NPIPB2: variants seen among roughly 807,000 people sequenced by gnomAD.
NPIPB2 encodes nuclear pore complex-interacting protein family member B2.
NPIPB2 carries 27 observed loss-of-function variants against 30.8 expected under a neutral mutation model. The ratio of observed to expected loss-of-function variants is 0.88; its 90% CI spans 0.65 to 1.21. The LOEUF (loss-of-function observed/expected upper bound fraction) is 1.21. Ranked by LOEUF, NPIPB2 falls within the 50% of genes most tolerant of loss-of-function variation. The pLI is 0.00. For missense variants in NPIPB2, 440 were observed against 446.2 expected, an observed-to-expected ratio of 0.99 and a Z score of 0.13; for synonymous variants, 147 against 162.0, an observed-to-expected ratio of 0.91 and a Z score of 0.70.
In NPIPB2 at chr16:11,972,403, G is replaced by A. The variant is rs372338882; in HGVS notation, c.-584+4165C>T. ...AGCCTGAACAACATGGGGAAACCCC[G>A]TCTCTACAGAAAATACAATAATTAG... On this transcript the variant is annotated intron_variant, in intron 1 of 5. Transcript: ENST00000538896. 2.6e-5 allele frequency among the ~76,000 whole-genome samples: 4 copies of A among 152,068 alleles called. No homozygotes were observed. In the South Asian group the frequency reaches 8.3e-4, roughly 32 times the overall value.
chr16:11,966,285 T>C, intron 1 of NPIPB2: 2 of 1,613,806 alleles, frequency 1.2e-6, no homozygotes, highest in Non-Finnish European at 1.7e-6. Flanking sequence ...TTCGTGCTAA[T>C]GTTTTTGCTA....
intron 1 of NPIPB2, among the ~76,000 whole-genome samples, chr16:11,960,903 G>T (rs1178778129): frequency 1.4e-5 from 2 of 147,160 alleles, no homozygotes; most frequent in Non-Finnish European, 3.0e-5. Flanking sequence ...GTCTCACTCC[G>T]TAGCCCAGAC....
chr16:11,972,878 T>C (rs1431883869), intron 1 of NPIPB2, among the ~76,000 whole-genome samples: 1 of 128,434 alleles, frequency 7.8e-6, no homozygotes, highest in Non-Finnish European at 1.7e-5. Flanking sequence ...AAAAAAAAAA[T>C]AGCTGGGCGT....
chr16:11,934,145 G>A (rs1487861260), intron 2 of NPIPB2, among the ~76,000 whole-genome samples: 5 of 151,398 alleles, frequency 3.3e-5, no homozygotes, highest in East Asian at 1.9e-4. Context: ...GCAGAGAACC[G>A]TTTGAAGCTG....
At chr16:11,927,311 T>G, downstream of NPIPB2, 2 of 766,708 alleles carry the variant, frequency 2.6e-6, no homozygotes, top group Non-Finnish European at 4.4e-6. Context: ...GTTTTTGGAG[T>G]GTGGGTTTTG....
At chr16:11,975,359 G>A (rs1424351400) in intron 1 of NPIPB2, among the ~76,000 whole-genome samples, 1 of 148,860 alleles carries the variant, frequency 6.7e-6, no homozygotes, top group Non-Finnish European at 1.5e-5. Flanking sequence ...GTTTTAGCCG[G>A]GATGGTCTCG....
chr16:11,951,155 G>A (rs1177936417), intron 1 of NPIPB2, among the ~76,000 whole-genome samples: 4 of 151,738 alleles, frequency 2.6e-5, no homozygotes, highest in African/African-American at 7.3e-5. Flanking sequence ...ATTCAGTTTC[G>A]AGAAAAATTA....
chr16:11,959,587 C>CA lies in NPIPB2; in HGVS notation c.-584+16980dup, dbSNP rs772286868. ...CGGGTGACAGAGGGAGACCCCGTCTCAAAAAAAAAAATCATATTATTAAAA... is the reference window on the plus strand; with the variant it reads ...CGGGTGACAGAGGGAGACCCCGTCTCAAAAAAAAAAAATCATATTATTAAAA... On this transcript the variant is annotated intron_variant, in intron 1 of 5. Transcript: ENST00000538896. 4.8e-3 allele frequency among the ~76,000 whole-genome samples: 687 copies of CA among 144,084 alleles called. 3 individuals are homozygous for CA. Among genetic ancestry groups the CA allele is most frequent in the Non-Finnish European group, 8.2e-3 (542 of 65,754 alleles). 94.5% of individuals were successfully genotyped at this position (144,084 alleles called of 152,430 possible).
At chr16:11,958,545 C>T (rs901900435) in intron 1 of NPIPB2, among the ~76,000 whole-genome samples, 2 of 151,866 alleles carry the variant, frequency 1.3e-5, no homozygotes, top group Non-Finnish European at 2.9e-5. Flanking sequence ...GCCTGGGCAA[C>T]ACAGCAAGAC....
chr16:11,960,701 C>T (rs925139784), intron 1 of NPIPB2, among the ~76,000 whole-genome samples: 9 of 151,758 alleles, frequency 5.9e-5, no homozygotes, highest in Non-Finnish European at 1.2e-4. Context: ...CTCACCACTC[C>T]TTAAATATCT....
intron 1 of NPIPB2, chr16:11,967,015 TTTAG>T: frequency 5.4e-6 from 1 of 184,756 alleles, no homozygotes; most frequent in South Asian, 9.4e-5. Context: ...TATTTATTTA[TTTAG>T]AGATGGAGTC....
chr16:11,950,205 A>T (rs1480438706), intron 1 of NPIPB2, among the ~76,000 whole-genome samples: 4 of 151,532 alleles, frequency 2.6e-5, no homozygotes, highest in African/African-American at 9.7e-5. Flanking sequence ...GCTAATTTTT[A>T]TATTTTTAGT....
At chr16:11,940,917 CCCA>C (rs1347435032) in intron 1 of NPIPB2, among the ~76,000 whole-genome samples, 2 of 149,752 alleles carry the variant, frequency 1.3e-5, no homozygotes, top group Non-Finnish European at 3.0e-5. Flanking sequence ...AAGCGATCCT[CCCA>C]CCTCAGCCTC....
Position 11,962,915 on chromosome 16 carries a change from A to G in NPIPB2, c.-584+13653T>C, listed in dbSNP as rs188863008. 2.0e-3 allele frequency among the ~76,000 whole-genome samples: 297 copies of G among 152,046 alleles called. 2 individuals are homozygous for G. The highest frequency in any genetic ancestry group is 6.9e-3 in the African/African-American group (285 of 41,450). ...AATCCTGTCTGTACTAAAAATACAA[A>G]TATTTGCTGGGCATGATGGCGCATG... On this transcript the variant is annotated intron_variant, in intron 1 of 5. Transcript: ENST00000538896.
upstream of NPIPB2, among the ~76,000 whole-genome samples, chr16:11,947,040 T>TTATATATATATATATATATATATATGG (rs57486204): frequency 1.4e-5 from 2 of 139,826 alleles, no homozygotes; most frequent in East Asian, 2.1e-4. Flanking sequence ...ACTATTTGAA[T>TTATATATATATATATATATATATATGG]TATATATATA....
chr16:11,965,305 C>G, intron 1 of NPIPB2: 1 of 1,613,794 alleles, frequency 6.2e-7, no homozygotes, highest in South Asian at 1.1e-5. Context: ...CTGTAGCTCC[C>G]TTGTTTTCTT....
chr16:11,971,882 C>G (rs2055237751), intron 1 of NPIPB2, among the ~76,000 whole-genome samples: 2 of 152,088 alleles, frequency 1.3e-5, no homozygotes, highest in Admixed American at 1.3e-4. Flanking sequence ...CGTAGTGGCT[C>G]TTGCCTGTAA....
upstream of NPIPB2, among the ~76,000 whole-genome samples, chr16:11,942,685 C>T (rs1313655892): frequency 1.3e-5 from 2 of 151,598 alleles, no homozygotes; most frequent in Non-Finnish European, 2.9e-5. Flanking sequence ...GGTATTTGCC[C>T]ACAATACCCA....
At chr16:11,973,162 C>CA (rs34947493) in intron 1 of NPIPB2, among the ~76,000 whole-genome samples, 982 of 72,970 alleles carry the variant, frequency 0.013, 29 homozygotes, top group African/African-American at 0.039. Context: ...GTGAAACTGT[C>CA]AAAAAAAAAA....
Sources: gnomAD v4.1 joint callset for allele counts (sites outside exome capture counted in the v4.1 genomes callset) on GRCh38, gnomAD v4.1.1 for gene constraint, MANE v1.5 for transcripts, NCBI Gene and HGNC (gene_info 2026-07-23, HGNC 2026-07-21) for gene names.